The following THSD4 variants were observed in gnomAD, a reference collection of about 807,000 sequenced individuals.
THSD4 encodes thrombospondin type-1 domain-containing protein 4.
A neutral mutation model predicts 119.0 loss-of-function variants in THSD4; 69 were observed. The observed-to-expected ratio is 0.58, with a 90% confidence interval of 0.48 to 0.71. THSD4 has a LOEUF of 0.71. Among genes scored for constraint, THSD4 ranks in the 30% least tolerant of loss-of-function variants. The probability of loss-of-function intolerance (pLI) is 0.00; values close to 1 mark genes in which losing one functional copy is unlikely to be tolerated. For missense variants in THSD4, 1,393 were observed against 1,391.1 expected, an observed-to-expected ratio of 1.00 and a Z score of -0.02; for synonymous variants, 524 against 540.4, an observed-to-expected ratio of 0.97 and a Z score of 0.42.
At chr15:71,753,664 G>A (rs1038117558) in intron 14 of THSD4, among the ~76,000 whole-genome samples, 4 of 152,334 alleles carry the variant, frequency 2.6e-5, no homozygotes, top group African/African-American at 9.6e-5. Flanking sequence ...CATCCTTTAA[G>A]GACAGTGGGT....
chr15:71,337,297 G>T (rs949796351), intron 6 of THSD4, among the ~76,000 whole-genome samples: 10 of 152,212 alleles, frequency 6.6e-5, no homozygotes, highest in Non-Finnish European at 1.5e-5. Context: ...TTGCATTCCA[G>T]TCCAGGGGGA....
At chr15:71,377,914 A>ACACTT (rs57687864) in intron 6 of THSD4, among the ~76,000 whole-genome samples, 7 of 146,256 alleles carry the variant, frequency 4.8e-5, no homozygotes, top group African/African-American at 1.5e-4. Context: ...ACACACACAC[A>ACACTT]ATTTCCTTCA....
chr15:71,326,104 C>T (rs1216233955), intron 6 of THSD4, among the ~76,000 whole-genome samples: 2 of 152,108 alleles, frequency 1.3e-5, no homozygotes, highest in Non-Finnish European at 2.9e-5. Flanking sequence ...GGGTATAGCA[C>T]GAAGTAGATG....
intron 6 of THSD4, among the ~76,000 whole-genome samples, chr15:71,309,699 G>C (rs2045084456): frequency 6.6e-6 from 1 of 152,184 alleles, no homozygotes; most frequent in Non-Finnish European, 1.5e-5. Flanking sequence ...TCTTTTGCAT[G>C]TGGATATCCA....
intron 4 of THSD4, among the ~76,000 whole-genome samples, chr15:71,229,493 TTATA>T (rs2140262886): frequency 6.6e-6 from 1 of 152,338 alleles, no homozygotes; most frequent in South Asian, 2.1e-4. Flanking sequence ...CATCCCTAAA[TTATA>T]TATGATACTG....
rs573951540 is a variant in THSD4, at chr15:71,640,332, C to T, written c.1153-20198C>T. On this transcript the variant is annotated intron_variant, in intron 7 of 17. Coordinates refer to ENST00000261862, the MANE Select transcript of THSD4 (RefSeq NM_024817.3). ...CTGGGCTCAAGCGATCCCCCAACCT[C>T]AGCCTCCCAAAGTGCTGGGACTATA... Among the ~76,000 whole-genome samples, 14 of 152,180 alleles carry T rather than the reference C, an allele frequency of 9.2e-5. 1 individual carries two copies. In the South Asian group the frequency reaches 2.7e-3, roughly 29 times the overall value.
intron 7 of THSD4, among the ~76,000 whole-genome samples, chr15:71,412,949 A>G (rs1361486792): frequency 6.6e-6 from 1 of 152,104 alleles, no homozygotes; most frequent in East Asian, 1.9e-4. Flanking sequence ...CGTCACCTCA[A>G]GTTTTTAGCA....
At chr15:71,634,627 G>A (rs1318275251) in intron 7 of THSD4, among the ~76,000 whole-genome samples, 2 of 152,194 alleles carry the variant, frequency 1.3e-5, no homozygotes, top group Non-Finnish European at 1.5e-5. Flanking sequence ...GTGGCTGGGG[G>A]ACTGTCTCAT....
intron 6 of THSD4, among the ~76,000 whole-genome samples, chr15:71,265,561 T>G (rs1295770510): frequency 6.6e-6 from 1 of 152,008 alleles, no homozygotes; most frequent in Non-Finnish European, 1.5e-5. Context: ...CTGCAGGAGT[T>G]TTTTTTTCGT....
intron 6 of THSD4, among the ~76,000 whole-genome samples, chr15:71,321,063 A>C (rs1303220795): frequency 6.6e-6 from 1 of 152,220 alleles, no homozygotes; most frequent in Non-Finnish European, 1.5e-5. Context: ...TGCTGTCATA[A>C]CAGCTGCCCT....
chr15:71,756,025 T>C (rs922155739), intron 14 of THSD4, among the ~76,000 whole-genome samples: 4 of 152,110 alleles, frequency 2.6e-5, no homozygotes, highest in Non-Finnish European at 5.9e-5. Flanking sequence ...GATAGGATAA[T>C]AGGAAATTAG....
chr15:71,453,573 C>T (rs186991977), intron 7 of THSD4, among the ~76,000 whole-genome samples: 2 of 152,120 alleles, frequency 1.3e-5, no homozygotes, highest in Non-Finnish European at 2.9e-5. Context: ...TGGTACTTGG[C>T]GACTTAGATT....
At chr15:71,138,185 A>C (rs1430330539) in intron 1 of THSD4, among the ~76,000 whole-genome samples, 1 of 152,158 alleles carries the variant, frequency 6.6e-6, no homozygotes, top group Non-Finnish European at 1.5e-5. Flanking sequence ...ACTTACAATC[A>C]TGGTGGAAGG....
At chr15:71,590,310 A>C (rs2049768869) in intron 7 of THSD4, among the ~76,000 whole-genome samples, 1 of 125,088 alleles carries the variant, frequency 8.0e-6, no homozygotes, top group South Asian at 2.7e-4. Flanking sequence ...AGCTTGTAAT[A>C]ATGTAGTTTT....
At chr15:71,725,696 G>A (rs1041015728) in intron 8 of THSD4, among the ~76,000 whole-genome samples, 10 of 152,182 alleles carry the variant, frequency 6.6e-5, no homozygotes, top group African/African-American at 2.2e-4. Flanking sequence ...GGGTCTTGGT[G>A]AGCTAATTTT....
intron 7 of THSD4, among the ~76,000 whole-genome samples, chr15:71,642,552 A>C (rs913368212): frequency 3.9e-5 from 6 of 152,192 alleles, no homozygotes; most frequent in African/African-American, 7.2e-5. Flanking sequence ...AACCAACCCA[A>C]ATGTCCAACA....
intron 3 of THSD4, among the ~76,000 whole-genome samples, chr15:71,182,465 T>C (rs80222319): frequency 6.6e-6 from 1 of 151,746 alleles, no homozygotes; most frequent in Non-Finnish European, 1.5e-5. Context: ...CTATAAATGG[T>C]TCTAAGAAAA....
chr15:71,724,287 A>ATATATATATATATATATATATATATATT, intron 8 of THSD4, among the ~76,000 whole-genome samples: 36 of 37,200 alleles, frequency 9.7e-4, no homozygotes, highest in Non-Finnish European at 1.8e-3. Context: ...ATATATATAT[A>ATATATATATATATATATATATATATATT]TTTTTTTTTT....
intron 10 of THSD4, 157 bp downstream of exon 10, chr15:71,731,374 G>A (rs888109660): frequency 4.4e-6 from 3 of 674,740 alleles, no homozygotes; most frequent in East Asian, 2.8e-5. Context: ...ATTGGAGCAG[G>A]CTTCACCATT....
Sources: gnomAD v4.1 joint callset for allele counts (sites outside exome capture counted in the v4.1 genomes callset) on GRCh38, gnomAD v4.1.1 for gene constraint, MANE v1.5 for transcripts, NCBI Gene and HGNC (gene_info 2026-07-23, HGNC 2026-07-21) for gene names.